Variants in C7 observed in about 807,000 individuals in gnomAD.
C7 encodes the protein complement C7, also known as complement component C7.
C7 carries 83 observed loss-of-function variants against 104.8 expected under a neutral mutation model. The observed-to-expected ratio is 0.79, with a 90% CI of 0.66 to 0.95. The LOEUF (loss-of-function observed/expected upper bound fraction) is 0.95, where lower values mean the gene tolerates loss of function less well. C7 is among the 40% of genes least tolerant of loss of function. C7 has a pLI of 0.00. For missense variants in C7, 1,070 were observed against 1,011.2 expected, an observed-to-expected ratio of 1.06 and a Z score of -0.79; for synonymous variants, 415 against 360.6, an observed-to-expected ratio of 1.15 and a Z score of -1.71.
chr5:40,914,955 A>AC (rs553579390), intron 1 of C7, among the ~76,000 whole-genome samples: 70 of 152,280 alleles, frequency 4.6e-4, no homozygotes, highest in African/African-American at 1.5e-3. Context: ...TTAAAAGGGA[A>AC]CCAGATTTGG....
intron 13 of C7, 36 bp downstream of exon 13, chr5:40,962,208 C>A: frequency 1.6e-6 from 2 of 1,213,192 alleles, no homozygotes; most frequent in Non-Finnish European, 2.3e-6. Context: ...CTTTATAATG[C>A]TCTAACTTCT....
At chr5:40,934,602 T>C (rs1037403868) in intron 4 of C7, 136 bp downstream of exon 4, 5 of 868,464 alleles carry the variant, frequency 5.8e-6, no homozygotes, top group Admixed American at 2.4e-5. Flanking sequence ...ATCATCAGGA[T>C]TTTTGTTGGT....
At chr5:40,909,919 TAAAG>T (rs35010920) in intron 1 of C7, among the ~76,000 whole-genome samples, 14,307 of 151,164 alleles carry the variant, frequency 0.095, 950 homozygotes, top group East Asian at 0.31. Context: ...GATAAAGTCA[TAAAG>T]AAATACAATA....
intron 14 of C7, among the ~76,000 whole-genome samples, chr5:40,967,070 T>G (rs1246300350): frequency 1.6e-5 from 1 of 61,530 alleles, no homozygotes; most frequent in African/African-American, 8.7e-5. Flanking sequence ...TTTCAAAGGA[T>G]TTTTTTTTTT....
At chr5:40,920,390 C>T (rs1014940604) in intron 1 of C7, among the ~76,000 whole-genome samples, 1 of 151,954 alleles carries the variant, frequency 6.6e-6, no homozygotes, top group East Asian at 1.9e-4. Context: ...ACAATATTTA[C>T]ATATTGTATA....
intron 1 of C7, among the ~76,000 whole-genome samples, chr5:40,910,894 C>T (rs1170625389): frequency 6.6e-6 from 1 of 151,218 alleles, no homozygotes; most frequent in Non-Finnish European, 1.5e-5. Flanking sequence ...AACTATTAAT[C>T]TTTTACTTTA....
chr5:40,940,966 C>T (rs1218164940), intron 6 of C7, among the ~76,000 whole-genome samples: 1 of 151,686 alleles, frequency 6.6e-6, no homozygotes, highest in African/African-American at 2.4e-5. Context: ...CAGTGAATAT[C>T]TCTATATCTA....
chr5:40,911,992 C>A (rs1234454829), intron 1 of C7, among the ~76,000 whole-genome samples: 2 of 151,820 alleles, frequency 1.3e-5, no homozygotes, highest in East Asian at 1.9e-4. Context: ...TCATGATCCA[C>A]CTGCCTTGGC....
chr5:40,929,136 A>G (rs1739621110), intron 2 of C7, among the ~76,000 whole-genome samples: 2 of 152,204 alleles, frequency 1.3e-5, no homozygotes, highest in Admixed American at 1.3e-4. Flanking sequence ...ATTTTATGGA[A>G]CTATCAGAAA....
At chr5:40,977,707 A>G (rs899794222) in intron 16 of C7, among the ~76,000 whole-genome samples, 11 of 152,222 alleles carry the variant, frequency 7.2e-5, no homozygotes, top group African/African-American at 2.7e-4. Context: ...AACTGAAGCT[A>G]GAGGCCGAGG....
intron 6 of C7, among the ~76,000 whole-genome samples, chr5:40,942,563 G>A (rs946617893): frequency 6.6e-6 from 1 of 152,250 alleles, no homozygotes; most frequent in African/African-American, 2.4e-5. Flanking sequence ...AGTGAAGGAA[G>A]TGTCTGTAGA....
intron 13 of C7, chr5:40,964,537 G>A: frequency 2.1e-6 from 1 of 479,188 alleles, no homozygotes; most frequent in Non-Finnish European, 3.8e-6. Flanking sequence ...TATAGACAGT[G>A]GTATTAATAG....
intron 1 of C7, among the ~76,000 whole-genome samples, chr5:40,924,972 T>C (rs1345175957): frequency 3.9e-5 from 6 of 152,202 alleles, no homozygotes. Context: ...CTCTTCTCCA[T>C]TGTCTTGGCT....
intron 14 of C7, 143 bp from the exon 15 acceptor site, chr5:40,972,260 C>T: frequency 4.4e-6 from 3 of 684,876 alleles, no homozygotes; most frequent in Non-Finnish European, 7.5e-6. Flanking sequence ...TCTTTCAGTC[C>T]ACCCTAACAG....
rs1740081902 is a variant in C7, at chr5:40,947,777, A to T, written c.914A>T (p.Gln305Leu). Residue 305 changes from glutamine to leucine, a missense_variant, in exon 8 of 18, where the codon CAA (glutamine) becomes CTA (leucine). Physicochemically the swap from Gln to Leu is moderately radical, Grantham distance 113 (BLOSUM62 -2). Transcript: ENST00000313164. ...GACCAGTACGGGACACATTATCTGC[A>T]ATCTGGGTCGTTAGGAGGAGAATAC... is the stretch of plus-strand genomic sequence containing the variant. ...LIDQYGTHYL[Q>L]SGSLGGEYRV... 2 of 1,613,518 alleles carry T rather than the reference A, an allele frequency of 1.2e-6. No homozygotes were observed. The highest frequency in any genetic ancestry group is 1.7e-6 in the Non-Finnish European group (2 of 1,179,640).
chr5:40,943,032 G>A (rs554707850), intron 6 of C7, among the ~76,000 whole-genome samples: 1 of 152,336 alleles, frequency 6.6e-6, no homozygotes, highest in Admixed American at 6.5e-5. Flanking sequence ...AAAGTGCTGG[G>A]ATTACAGGCA....
intron 15 of C7, 30 bp from the exon 16 acceptor site, chr5:40,976,720 A>G (rs1469093129): frequency 3.3e-6 from 5 of 1,515,640 alleles, no homozygotes; most frequent in Non-Finnish European, 3.6e-6. Flanking sequence ...CTTTTCTCCT[A>G]ACGACCACAT....
At chr5:40,931,002 C>T in intron 2 of C7, 62 bp from the exon 3 acceptor site, 1 of 1,135,082 alleles carries the variant, frequency 8.8e-7, no homozygotes. Flanking sequence ...TTTCACTATT[C>T]TTTGTGTTCC....
At chr5:40,980,048 A>G in intron 17 of C7, 139 bp downstream of exon 17, 1 of 668,270 alleles carries the variant, frequency 1.5e-6, no homozygotes, top group Non-Finnish European at 2.4e-6. Flanking sequence ...TTTGACATGC[A>G]CTGACCTCTC....
Sources: gnomAD v4.1 joint callset for allele counts (sites outside exome capture counted in the v4.1 genomes callset) on GRCh38, gnomAD v4.1.1 for gene constraint, MANE v1.5 for transcripts, NCBI Gene and HGNC (gene_info 2026-07-23, HGNC 2026-07-21) for gene names.